The following GXYLT2 variants were observed in gnomAD, a reference collection of about 807,000 sequenced individuals.
The protein encoded by GXYLT2 is glycosyltransferase 8 domain containing 4.
Under a neutral mutation model 45.8 loss-of-function variants are expected in GXYLT2, and 53 were observed. The ratio of observed to expected loss-of-function variants is 1.16; its 90% CI spans 0.93 to 1.46. The LOEUF (loss-of-function observed/expected upper bound fraction) is 1.46, where lower values mean the gene tolerates loss of function less well. GXYLT2 is among the 40% of genes most tolerant of loss of function. The probability of loss-of-function intolerance (pLI) is 0.00; values close to 1 mark genes in which losing one functional copy is unlikely to be tolerated. For synonymous variants in GXYLT2, 219 were observed against 214.2 expected, an observed-to-expected ratio of 1.02 and a Z score of -0.19; for missense variants, 551 against 544.4, an observed-to-expected ratio of 1.01 and a Z score of -0.12.
At chr3:72,951,086 T>G (rs1710514760) in intron 3 of GXYLT2, among the ~76,000 whole-genome samples, 1 of 152,182 alleles carries the variant, frequency 6.6e-6, no homozygotes, top group Non-Finnish European at 1.5e-5. Context: ...TCGATAAATA[T>G]CCCACATCCC....
At chr3:72,921,421 CAATTTAATTT>C (rs111344849) in intron 2 of GXYLT2, among the ~76,000 whole-genome samples, 128 of 151,934 alleles carry the variant, frequency 8.4e-4, no homozygotes, top group Middle Eastern at 3.4e-3. Flanking sequence ...TTTTCTTTTT[CAATTTAATTT>C]AATTTAATTT....
At chr3:72,903,837 A>G (rs994894961) in intron 1 of GXYLT2, among the ~76,000 whole-genome samples, 3 of 151,844 alleles carry the variant, frequency 2.0e-5, no homozygotes, top group Non-Finnish European at 1.5e-5. Context: ...CTTCGTTACG[A>G]CTCTTATTTT....
chr3:72,922,860 T>C (rs1295983624), intron 3 of GXYLT2, among the ~76,000 whole-genome samples: 1 of 152,188 alleles, frequency 6.6e-6, no homozygotes, highest in Non-Finnish European at 1.5e-5. Context: ...GGCTCACACC[T>C]ATAATCCCAG....
At chr3:72,926,528 A>G (rs1470145121) in intron 3 of GXYLT2, among the ~76,000 whole-genome samples, 1 of 152,242 alleles carries the variant, frequency 6.6e-6, no homozygotes, top group Admixed American at 6.5e-5. Flanking sequence ...TGATTCTGGA[A>G]TACTTTTATT....
At chr3:72,941,246 T>A (rs1285308900) in intron 3 of GXYLT2, among the ~76,000 whole-genome samples, 1 of 152,120 alleles carries the variant, frequency 6.6e-6, no homozygotes, top group Non-Finnish European at 1.5e-5. Flanking sequence ...GCTACATGTG[T>A]CTCTATTCTC....
At chr3:72,968,670 G>T (rs2107156856) in intron 6 of GXYLT2, among the ~76,000 whole-genome samples, 1 of 152,336 alleles carries the variant, frequency 6.6e-6, no homozygotes, top group South Asian at 2.1e-4. Context: ...GCTCATGCCT[G>T]TAATCCCAGC....
intron 3 of GXYLT2, among the ~76,000 whole-genome samples, chr3:72,946,779 T>G (rs1018266898): frequency 5.3e-5 from 8 of 152,188 alleles, no homozygotes; most frequent in African/African-American, 1.9e-4. Context: ...ATTTAGTCCA[T>G]GATAAGATGA....
chr3:72,957,421 T>G (rs1271611821), intron 5 of GXYLT2, 69 bp downstream of exon 5: 5 of 1,458,482 alleles, frequency 3.4e-6, no homozygotes, highest in Non-Finnish European at 4.7e-6. Context: ...GCACATTCCA[T>G]GCCCGGGTTG....
chr3:72,890,859 A>G (rs774432015), intron 1 of GXYLT2, among the ~76,000 whole-genome samples: 11 of 152,192 alleles, frequency 7.2e-5, no homozygotes, highest in Non-Finnish European at 1.5e-4. Context: ...GGCCAACACC[A>G]TAGGAATACA....
intron 2 of GXYLT2, among the ~76,000 whole-genome samples, chr3:72,909,062 CTTTTTTTTTTTTT>C (rs71126804): frequency 2.2e-5 from 2 of 91,120 alleles, no homozygotes; most frequent in Admixed American, 2.7e-4. Context: ...TTCTTCCTTT[CTTTTTTTTTTTTT>C]TTTTTTTTTT....
At chr3:72,935,606 CAGAA>C (rs767448802) in intron 3 of GXYLT2, among the ~76,000 whole-genome samples, 41 of 152,222 alleles carry the variant, frequency 2.7e-4, no homozygotes, top group Non-Finnish European at 5.0e-4. Flanking sequence ...TATTAGCTAT[CAGAA>C]AGGGAAGAAA....
chr3:72,959,794 C>T (rs1674326768), intron 5 of GXYLT2, among the ~76,000 whole-genome samples: 2 of 152,016 alleles, frequency 1.3e-5, no homozygotes, highest in Non-Finnish European at 2.9e-5. Context: ...ACCATCACCC[C>T]TGGCTAATTT....
At chr3:72,964,400 A>C (rs1710823097) in intron 5 of GXYLT2, among the ~76,000 whole-genome samples, 1 of 151,672 alleles carries the variant, frequency 6.6e-6, no homozygotes, top group Non-Finnish European at 1.5e-5. Flanking sequence ...TCGGCTCACC[A>C]CAACCTCCAC....
intron 1 of GXYLT2, among the ~76,000 whole-genome samples, chr3:72,907,065 C>T (rs929206751): frequency 9.2e-5 from 14 of 152,138 alleles, no homozygotes; most frequent in Admixed American, 7.9e-4. Context: ...CTCAGTGATC[C>T]AAGGGAAGGC....
chr3:72,962,980 A>C (rs751437196), intron 5 of GXYLT2, among the ~76,000 whole-genome samples: 30 of 151,422 alleles, frequency 2.0e-4, no homozygotes, highest in Non-Finnish European at 4.0e-4. Context: ...AAAAACTATT[A>C]GCAGAGCAGT....
intron 1 of GXYLT2, among the ~76,000 whole-genome samples, chr3:72,900,532 A>G (rs780345192): frequency 1.3e-5 from 2 of 151,990 alleles, no homozygotes; most frequent in African/African-American, 4.8e-5. Context: ...CTCCTGCCTC[A>G]GCCTTCCAAG....
chr3:72,972,573 G>A (rs1711007325), intron 6 of GXYLT2, among the ~76,000 whole-genome samples: 1 of 149,180 alleles, frequency 6.7e-6, no homozygotes, highest in Non-Finnish European at 1.5e-5. Context: ...CCCAGGAAGT[G>A]GAAGTTGCAG....
intron 5 of GXYLT2, among the ~76,000 whole-genome samples, chr3:72,961,087 T>C (rs1710759767): frequency 6.6e-6 from 1 of 152,168 alleles, no homozygotes; most frequent in African/African-American, 2.4e-5. Flanking sequence ...ATTGCAGTGC[T>C]GGGTAATAGA....
At chr3:72,903,164 G>C (rs1709438831) in intron 1 of GXYLT2, among the ~76,000 whole-genome samples, 1 of 152,224 alleles carries the variant, frequency 6.6e-6, no homozygotes, top group African/African-American at 2.4e-5. Flanking sequence ...CTGCATTGGA[G>C]TCTCAATGTT....
Sources: gnomAD v4.1 joint callset for allele counts (sites outside exome capture counted in the v4.1 genomes callset) on GRCh38, gnomAD v4.1.1 for gene constraint, MANE v1.5 for transcripts, NCBI Gene and HGNC (gene_info 2026-07-23, HGNC 2026-07-21) for gene names.